Variants in KANTR observed in about 807,000 individuals in gnomAD.
KANTR encodes KANTR integral membrane protein, also known as KDM5C adjacent transcript.
chrX:53,122,344 G>A (rs1214984405), intron 2 of KANTR, among the ~76,000 whole-genome samples: 1 of 112,157 alleles, frequency 8.9e-6, no homozygotes, highest in Non-Finnish European at 1.9e-5. Flanking sequence ...CTTTTAAGGT[G>A]TCTGTATATT....
intron 1 of KANTR, 27 bp from the exon 2 acceptor site, chrX:53,099,443 TTC>T (rs1359884278): frequency 8.9e-6 from 1 of 112,044 alleles, no homozygotes; most frequent in East Asian, 2.8e-4. Flanking sequence ...CTAATTCTGA[TTC>T]TCTCGTTATT....
intron 2 of KANTR, chrX:53,113,156 A>C: frequency 3.7e-6 from 1 of 268,068 alleles, no homozygotes. Flanking sequence ...AATTCCAGCC[A>C]TCAGAGCGTG....
downstream of KANTR, among the ~76,000 whole-genome samples, chrX:53,129,065 C>CTTTT (rs10550250): frequency 9.0e-5 from 5 of 55,483 alleles, no homozygotes; most frequent in African/African-American, 1.1e-4. Flanking sequence ...TCTTCTTCTT[C>CTTTT]TTTTTTTTTT....
At chrX:53,143,040 C>T (rs1556818705), downstream of KANTR, 1 of 1,201,165 alleles carries the variant, frequency 8.3e-7, no homozygotes, top group Non-Finnish European at 1.1e-6. Flanking sequence ...TGTTGGCGTA[C>T]AGGTCTTTGC....
intron 2 of KANTR, among the ~76,000 whole-genome samples, chrX:53,115,540 G>A (rs1403791400): frequency 8.9e-6 from 1 of 112,136 alleles, no homozygotes; most frequent in Non-Finnish European, 1.9e-5. Context: ...CCTGGAGTGC[G>A]AGGCAGTGGA....
chrX:53,138,692 C>T (rs1407008480), intron 2 of KANTR, among the ~76,000 whole-genome samples: 17 of 102,026 alleles, frequency 1.7e-4, no homozygotes, highest in Non-Finnish European at 3.0e-4. Flanking sequence ...GCAACAAGAG[C>T]GAAATTCTGT....
chrX:53,140,899 C>T (rs1257225492), intron 2 of KANTR, among the ~76,000 whole-genome samples: 2 of 112,410 alleles, frequency 1.8e-5, no homozygotes, highest in African/African-American at 3.2e-5. Flanking sequence ...TGGTGGCTCA[C>T]GCCTGTAATC....
chrX:53,107,566 T>C (rs1048749226), intron 2 of KANTR, among the ~76,000 whole-genome samples: 4 of 109,273 alleles, frequency 3.7e-5, no homozygotes, highest in Middle Eastern at 4.2e-3. Flanking sequence ...GAACTTGGGA[T>C]TTATTTAGAT....
downstream of KANTR, among the ~76,000 whole-genome samples, chrX:53,131,515 A>G (rs1433382121): frequency 8.9e-6 from 1 of 112,397 alleles, no homozygotes; most frequent in Non-Finnish European, 1.9e-5. Context: ...AGGAAAACCC[A>G]TATGATTATT....
chrX:53,129,727 T>C (rs1403072684), downstream of KANTR, among the ~76,000 whole-genome samples: 3 of 110,906 alleles, frequency 2.7e-5, no homozygotes, highest in Admixed American at 9.7e-5. Context: ...TTTTAGTTGG[T>C]GTTGTCTTGC....
intron 2 of KANTR, among the ~76,000 whole-genome samples, chrX:53,138,194 G>A (rs886699566): frequency 9.2e-6 from 1 of 108,451 alleles, no homozygotes; most frequent in African/African-American, 3.3e-5. Flanking sequence ...TCAGCCTCCC[G>A]AGTAGCTGGG....
At chrX:53,098,859 G>A (rs1412849031) in intron 1 of KANTR, among the ~76,000 whole-genome samples, 10 of 110,487 alleles carry the variant, frequency 9.1e-5, no homozygotes, top group Non-Finnish European at 1.3e-4. Flanking sequence ...CCAAGTAGCT[G>A]GGACTATAGG....
intron 2 of KANTR, among the ~76,000 whole-genome samples, chrX:53,112,269 C>G (rs182894178): frequency 3.6e-5 from 4 of 111,979 alleles, no homozygotes; most frequent in Admixed American, 2.9e-4. Context: ...TAATGGTCTC[C>G]GATTCCATCC....
At chrX:53,130,371 G>A (rs897685861), downstream of KANTR, among the ~76,000 whole-genome samples, 1 of 111,768 alleles carries the variant, frequency 8.9e-6, no homozygotes, top group Non-Finnish European at 1.9e-5. Context: ...TGTCACTTGC[G>A]AGTATGGTAG....
At chrX:53,104,690 G>A (rs1266263332) in intron 2 of KANTR, among the ~76,000 whole-genome samples, 4 of 110,883 alleles carry the variant, frequency 3.6e-5, no homozygotes, top group East Asian at 2.8e-4. Flanking sequence ...GGCTTCTTTC[G>A]CTGAGCATAA....
intron 2 of KANTR, among the ~76,000 whole-genome samples, chrX:53,105,164 A>G (rs1296092797): frequency 9.0e-6 from 1 of 111,654 alleles, no homozygotes; most frequent in Non-Finnish European, 1.9e-5. Context: ...GATGATAGGT[A>G]TGAGCCATGG....
At chrX:53,118,651 C>T (rs782140030) in intron 2 of KANTR, among the ~76,000 whole-genome samples, 1 of 109,965 alleles carries the variant, frequency 9.1e-6, no homozygotes, top group African/African-American at 3.3e-5. Flanking sequence ...GCCCCAGCTA[C>T]TTGGGAGGCT....
At chrX:53,121,531 C>T (rs1331551679) in intron 2 of KANTR, among the ~76,000 whole-genome samples, 1 of 110,538 alleles carries the variant, frequency 9.0e-6, no homozygotes, top group Admixed American at 9.6e-5. Context: ...TTCAAAATAT[C>T]GCATTTCATT....
downstream of KANTR, among the ~76,000 whole-genome samples, chrX:53,145,888 G>A (rs1050898964): frequency 4.5e-5 from 5 of 112,200 alleles, no homozygotes; most frequent in African/African-American, 1.6e-4. Context: ...CAGGCAAACA[G>A]GGTCTGGAGT....
Sources: gnomAD v4.1 joint callset for allele counts (sites outside exome capture counted in the v4.1 genomes callset) on GRCh38, gnomAD v4.1.1 for gene constraint, MANE v1.5 for transcripts, NCBI Gene and HGNC (gene_info 2026-07-23, HGNC 2026-07-21) for gene names.